The following MPP7 variants were observed in gnomAD, a reference collection of about 807,000 sequenced individuals.
The protein encoded by MPP7 is MAGUK p55 scaffold protein 7.
MPP7 carries 60 observed loss-of-function variants against 76.5 expected under a neutral mutation model. That is an observed-to-expected ratio of 0.78 (90% confidence interval 0.64 to 0.97). The LOEUF (loss-of-function observed/expected upper bound fraction) is 0.97, where lower values mean the gene tolerates loss of function less well. Among genes scored for constraint, MPP7 ranks in the 50% least tolerant of loss-of-function variants. The pLI is 0.00. For synonymous variants in MPP7, 237 were observed against 244.5 expected (o/e 0.97, Z 0.29); for missense variants, 641 against 694.0 (o/e 0.92, Z 0.86).
At chr10:28,303,415 C>G (rs746170036), upstream of MPP7, 8 of 152,202 alleles carry the variant, frequency 5.3e-5, no homozygotes, top group Non-Finnish European at 1.0e-4. Flanking sequence ...GGTTCATTCG[C>G]CAGATGCGAG....
At chr10:28,086,780 T>C (rs1240224091) in intron 12 of MPP7, among the ~76,000 whole-genome samples, 1 of 151,802 alleles carries the variant, frequency 6.6e-6, no homozygotes, top group Non-Finnish European at 1.5e-5. Context: ...CTTCAGAGAG[T>C]TCCAGATCCA....
In MPP7 at chr10:28,262,290, T is replaced by C. The variant is rs542042520; in HGVS notation, c.-131-23555A>G. Among the ~76,000 whole-genome samples the C allele has an allele frequency of 5.5e-5, 7 of 127,034 alleles. No homozygotes were observed. In the East Asian group the frequency reaches 1.7e-3, roughly 31 times the overall value. 83.3% of individuals were successfully genotyped at this position (127,034 alleles called of 152,430 possible). On this transcript the variant is annotated intron_variant, in intron 1 of 16. Transcript: ENST00000683449. ...ATATATATATATATTTTTTTTTTTT[T>C]CTTCACCATGTTGGCCAGGATGGTC...
At chr10:28,271,826 T>G (rs1840335340) in intron 1 of MPP7, among the ~76,000 whole-genome samples, 1 of 151,944 alleles carries the variant, frequency 6.6e-6, no homozygotes, top group South Asian at 2.1e-4. Context: ...ATACAAAAAA[T>G]TAACCAAGCG....
At chr10:28,069,908 C>T in intron 12 of MPP7, 56 bp from the exon 13 acceptor site, 2 of 1,293,362 alleles carry the variant, frequency 1.5e-6, no homozygotes, top group Non-Finnish European at 2.2e-6. Flanking sequence ...ATAAACATTT[C>T]TGTAACTGAC....
chr10:28,195,501 T>C (rs1362574900), intron 3 of MPP7, among the ~76,000 whole-genome samples: 1 of 152,178 alleles, frequency 6.6e-6, no homozygotes, highest in Admixed American at 6.5e-5. Flanking sequence ...TGTCCATCCA[T>C]GGATGAAAGG....
At position 28,052,611 on chromosome 10, in the gene MPP7, T is replaced by C. The variant is rs965965520; in HGVS notation, c.*1454A>G. The C allele has an allele frequency of 6.5e-6, 1 of 152,672 alleles. No homozygotes were observed. Among genetic ancestry groups the C allele is most frequent in the Non-Finnish European group, 1.5e-5 (1 of 68,040 alleles). 9.5% of individuals were successfully genotyped at this position (152,672 alleles called of 1,614,324 possible). On this transcript the variant is annotated 3_prime_UTR_variant, in exon 17 of 17. Transcript: ENST00000683449. ...TGTTGACCATGATTTATAAAACTAC[T>C]CTTTTAAATTAGGACATCTTGACAT...
chr10:28,274,102 T>C (rs914472393), intron 1 of MPP7, among the ~76,000 whole-genome samples: 1 of 96,974 alleles, frequency 1.0e-5, no homozygotes, highest in Non-Finnish European at 2.1e-5. Context: ...AATTTTTTTC[T>C]TTTTTTTTTT....
At chr10:28,206,233 G>A (rs1361694104) in intron 2 of MPP7, among the ~76,000 whole-genome samples, 1 of 152,122 alleles carries the variant, frequency 6.6e-6, no homozygotes, top group Non-Finnish European at 1.5e-5. Flanking sequence ...ACAACTTATA[G>A]AATATATGAC....
chr10:28,116,153 T>G (rs1040151963), intron 11 of MPP7, among the ~76,000 whole-genome samples: 2 of 152,174 alleles, frequency 1.3e-5, no homozygotes, highest in Non-Finnish European at 2.9e-5. Context: ...CAATATATAC[T>G]GGATTTAAAT....
At position 28,262,203 on chromosome 10, in the gene MPP7, AT is replaced by A. The variant is rs1839982485; in HGVS notation, c.-131-23469del. Among the ~76,000 whole-genome samples the A allele has an allele frequency of 1.9e-4, 3 of 15,598 alleles. 1 individual carries two copies. The highest frequency in any genetic ancestry group is 5.5e-4 in the Non-Finnish European group (3 of 5,464). The allele number at this position is 15,598 out of a possible 152,430, so 10.2% of individuals were successfully genotyped here. On this transcript the variant is annotated intron_variant, in intron 1 of 16. Coordinates refer to ENST00000683449, the MANE Select transcript of MPP7 (RefSeq NM_001318170.2). ...AAATAAATTATATATATATATATAT[AT>A]ATACATATATATATATATATACATA...
At chr10:28,135,331 C>T (rs1241286725) in intron 5 of MPP7, among the ~76,000 whole-genome samples, 1 of 152,136 alleles carries the variant, frequency 6.6e-6, no homozygotes, top group Non-Finnish European at 1.5e-5. Flanking sequence ...GAGCAAAGTC[C>T]TTAGCCATGG....
rs1383843401 is a variant in MPP7, at chr10:28,056,601, A to C, written c.1430T>G (p.Leu477Arg). 1 of 1,602,428 alleles carries C rather than the reference A, an allele frequency of 6.2e-7. No individual in the cohort carries two copies. The highest frequency in any genetic ancestry group is 1.1e-5 in the South Asian group (1 of 88,456). The stretch of plus-strand genomic sequence containing the variant: ...AAATATCACATAGGGCTTAAATTCT[A>C]GTGTCCTTAAATGCTTCACTGTCTA... The part of the protein sequence containing the change: ...QPHTVKHLRT[L>R]EFKPYVIFIK... The change falls in exon 16 of 17, where the codon CTA becomes CGA. Residue 477 changes from leucine to arginine, a missense_variant. Leu to Arg is a moderately radical substitution (Grantham distance 102). Transcript: ENST00000683449.
chr10:28,291,267 A>G (rs187389508), intron 1 of MPP7, among the ~76,000 whole-genome samples: 158 of 152,346 alleles, frequency 1.0e-3, no homozygotes, highest in African/African-American at 3.4e-3. Context: ...CAGGAAAAGT[A>G]GCTCCTTTGG....
chr10:28,054,318 T>C, intron 16 of MPP7, 74 bp from the exon 17 acceptor site: 1 of 864,922 alleles, frequency 1.2e-6, no homozygotes, highest in East Asian at 2.7e-5. Flanking sequence ...GCAAACATTC[T>C]ACAATTGGTT....
intron 1 of MPP7, among the ~76,000 whole-genome samples, chr10:28,291,688 G>C (rs927131457): frequency 1.1e-4 from 16 of 152,186 alleles, no homozygotes; most frequent in African/African-American, 3.9e-4. Context: ...GTGTGTGTTT[G>C]TGTCTTAGTT....
chr10:28,077,746 G>A (rs188025087), intron 12 of MPP7, among the ~76,000 whole-genome samples: 139 of 152,242 alleles, frequency 9.1e-4, no homozygotes, highest in African/African-American at 3.0e-3. Context: ...ACACTTACAC[G>A]GGCACATATA....
chr10:28,076,814 G>A (rs1057485135), intron 12 of MPP7, among the ~76,000 whole-genome samples: 3 of 152,028 alleles, frequency 2.0e-5, no homozygotes, highest in African/African-American at 7.3e-5. Flanking sequence ...CTTGAACGTG[G>A]GAGGCAGAGG....
chr10:28,173,278 C>T (rs1836747196), intron 3 of MPP7, among the ~76,000 whole-genome samples: 1 of 151,466 alleles, frequency 6.6e-6, no homozygotes, highest in South Asian at 2.1e-4. Context: ...ACAAGCAGAT[C>T]CATTATTACA....
intron 1 of MPP7, among the ~76,000 whole-genome samples, chr10:28,260,957 T>C (rs1474350364): frequency 6.6e-6 from 1 of 152,116 alleles, no homozygotes; most frequent in African/African-American, 2.4e-5. Flanking sequence ...GTAAGGTGCC[T>C]ACAAAATTAC....
Sources: allele counts gnomAD v4.1 joint callset (sites outside exome capture counted in the v4.1 genomes callset), GRCh38; gene constraint gnomAD v4.1.1; transcripts MANE v1.5; gene names NCBI Gene and HGNC (gene_info 2026-07-23, HGNC 2026-07-21).